Variants in KCNIP1 observed in about 807,000 individuals in gnomAD.
The protein encoded by KCNIP1 is potassium voltage-gated channel interacting protein 1.
KCNIP1 carries 18 observed loss-of-function variants against 33.0 expected under a neutral mutation model. The ratio of observed to expected loss-of-function variants is 0.55; its 90% CI spans 0.38 to 0.81. The LOEUF (loss-of-function observed/expected upper bound fraction) is 0.81, where lower values mean the gene tolerates loss of function less well. Ranked by LOEUF, KCNIP1 falls within the 30% of genes least tolerant of loss-of-function variation. The probability of loss-of-function intolerance (pLI) is 0.00; values close to 1 mark genes in which losing one functional copy is unlikely to be tolerated. For missense variants in KCNIP1, 238 were observed against 271.6 expected (o/e 0.88, Z 0.87); for synonymous variants, 93 against 98.3 (o/e 0.95, Z 0.32).
At chr5:170,700,272 G>A (rs1763049070) in intron 1 of KCNIP1, among the ~76,000 whole-genome samples, 1 of 152,098 alleles carries the variant, frequency 6.6e-6, no homozygotes, top group African/African-American at 2.4e-5. Context: ...TTGCGGTTAT[G>A]TTTAGTTCTT....
At chr5:170,650,738 C>T (rs895523594) in intron 1 of KCNIP1, among the ~76,000 whole-genome samples, 2 of 152,040 alleles carry the variant, frequency 1.3e-5, no homozygotes, top group Non-Finnish European at 2.9e-5. Flanking sequence ...TAAGAAATTG[C>T]GAATTTAGGA....
intron 7 of KCNIP1, among the ~76,000 whole-genome samples, chr5:170,735,276 C>T (rs1007188432): frequency 1.3e-5 from 2 of 151,848 alleles, no homozygotes; most frequent in South Asian, 4.2e-4. Context: ...TAGAAAAATC[C>T]TCAAATGTTC....
chr5:170,596,644 G>A (rs924430206), intron 1 of KCNIP1, among the ~76,000 whole-genome samples: 3 of 152,252 alleles, frequency 2.0e-5, no homozygotes, highest in African/African-American at 7.2e-5. Context: ...CAGTGCCTCG[G>A]CCATCTGTGA....
chr5:170,673,791 C>G (rs1351816935), intron 1 of KCNIP1, among the ~76,000 whole-genome samples: 1 of 152,080 alleles, frequency 6.6e-6, no homozygotes, highest in Non-Finnish European at 1.5e-5. Context: ...TCACTCTATA[C>G]CCTTGTCCAA....
intron 4 of KCNIP1, 71 bp downstream of exon 4, chr5:170,721,974 A>T: frequency 1.9e-6 from 3 of 1,558,512 alleles, no homozygotes; most frequent in Non-Finnish European, 2.7e-6. Context: ...ATCTCAAGGC[A>T]TTGGGGGAAG....
intron 1 of KCNIP1, among the ~76,000 whole-genome samples, chr5:170,610,239 T>C (rs560836621): frequency 6.6e-6 from 1 of 152,362 alleles, no homozygotes; most frequent in Non-Finnish European, 1.5e-5. Flanking sequence ...GAACCACTTA[T>C]GTTAGAATAA....
intron 5 of KCNIP1, among the ~76,000 whole-genome samples, chr5:170,731,055 G>A (rs1265218407): frequency 6.6e-6 from 1 of 152,086 alleles, no homozygotes; most frequent in Non-Finnish European, 1.5e-5. Context: ...TAATTAATAA[G>A]TATAGAAGGA....
At chr5:170,368,113 A>G (rs1763744182) in intron 1 of KCNIP1, among the ~76,000 whole-genome samples, 2 of 152,334 alleles carry the variant, frequency 1.3e-5, no homozygotes, top group Non-Finnish European at 1.5e-5. Context: ...GTAGGAAGCC[A>G]GGAGAAAAAA....
intron 1 of KCNIP1, among the ~76,000 whole-genome samples, chr5:170,457,311 A>AG (rs1189150324): frequency 6.6e-6 from 1 of 152,172 alleles, no homozygotes; most frequent in Non-Finnish European, 1.5e-5. Context: ...GCAAAACTGC[A>AG]GGGGCCACCA....
chr5:170,465,259 A>T (rs1314072320), intron 1 of KCNIP1, among the ~76,000 whole-genome samples: 1 of 152,138 alleles, frequency 6.6e-6, no homozygotes, highest in Non-Finnish European at 1.5e-5. Flanking sequence ...CATTATTCTC[A>T]CTAGAATGTG....
At chr5:170,646,815 C>T (rs980921340) in intron 1 of KCNIP1, among the ~76,000 whole-genome samples, 1 of 152,066 alleles carries the variant, frequency 6.6e-6, no homozygotes, top group Non-Finnish European at 1.5e-5. Flanking sequence ...TTCCAGATGA[C>T]ATGATTATCT....
chr5:170,532,279 AG>A (rs1755815732), intron 1 of KCNIP1, among the ~76,000 whole-genome samples: 1 of 152,186 alleles, frequency 6.6e-6, no homozygotes, highest in African/African-American at 2.4e-5. Context: ...ATTCTTGCCA[AG>A]GGGTAGAAAT....
intron 1 of KCNIP1, among the ~76,000 whole-genome samples, chr5:170,390,875 C>T (rs1754561640): frequency 6.6e-6 from 1 of 152,098 alleles, no homozygotes; most frequent in Non-Finnish European, 1.5e-5. Flanking sequence ...TGCAGCCTGG[C>T]CTTCCCTGCT....
At chr5:170,644,322 A>T (rs573421464) in intron 1 of KCNIP1, among the ~76,000 whole-genome samples, 1 of 152,360 alleles carries the variant, frequency 6.6e-6, no homozygotes, top group South Asian at 2.1e-4. Flanking sequence ...GGCAGTCAGC[A>T]GCCGAGTGCG....
intron 1 of KCNIP1, among the ~76,000 whole-genome samples, chr5:170,396,386 A>G (rs941157984): frequency 2.6e-5 from 4 of 152,218 alleles, no homozygotes; most frequent in African/African-American, 9.6e-5. Context: ...AAATTATTTG[A>G]AGAGATTTGT....
intron 1 of KCNIP1, among the ~76,000 whole-genome samples, chr5:170,410,291 T>C (rs1755149732): frequency 8.7e-6 from 1 of 114,316 alleles, no homozygotes; most frequent in Non-Finnish European, 1.8e-5. Context: ...GTGTACCAGG[T>C]CCCCCACTCA....
chr5:170,514,398 C>A (rs1182785671), intron 1 of KCNIP1, among the ~76,000 whole-genome samples: 1 of 152,150 alleles, frequency 6.6e-6, no homozygotes, highest in Non-Finnish European at 1.5e-5. Context: ...GCTTCCCCAC[C>A]CATCGAAATC....
chr5:170,357,230 C>T lies in KCNIP1; in HGVS notation c.88+3266C>T, dbSNP rs181388159. Among the ~76,000 whole-genome samples, 9 of 152,262 alleles carry T rather than the reference C, an allele frequency of 5.9e-5. No individual in the cohort carries two copies. In the East Asian group the frequency reaches 1.2e-3, roughly 20 times the overall value. On this transcript the variant is annotated intron_variant, in intron 1 of 7. Coordinates refer to the KCNIP1 transcript ENST00000377360. Reference sequence around the variant, plus strand: ...ACCCTGCACTGTGGCTCGGAAGCCTCGGACTGGGTCCCTCACCTCCCTGGC... The same window carrying T: ...ACCCTGCACTGTGGCTCGGAAGCCTTGGACTGGGTCCCTCACCTCCCTGGC...
At chr5:170,533,102 A>C (rs1405777081) in intron 1 of KCNIP1, among the ~76,000 whole-genome samples, 1 of 152,216 alleles carries the variant, frequency 6.6e-6, no homozygotes, top group Admixed American at 6.5e-5. Context: ...TCAGGAGACA[A>C]GCAGCATCTT....
Sources: allele counts gnomAD v4.1 joint callset (sites outside exome capture counted in the v4.1 genomes callset), GRCh38; gene constraint gnomAD v4.1.1; transcripts MANE v1.5; gene names NCBI Gene and HGNC (gene_info 2026-07-23, HGNC 2026-07-21).